Variants in VDAC1 observed in about 807,000 individuals in gnomAD.
VDAC1 encodes the protein voltage dependent anion channel 1, also known as non-selective voltage-gated ion channel VDAC1.
VDAC1 carries 10 observed loss-of-function variants against 34.7 expected under a neutral mutation model. That is an observed-to-expected ratio of 0.29 (90% CI 0.18 to 0.49). VDAC1 has a LOEUF of 0.49. Among genes scored for constraint, VDAC1 ranks in the 20% least tolerant of loss-of-function variants. The pLI is 0.99. For missense variants in VDAC1, 230 were observed against 347.9 expected (o/e 0.66, Z 2.69); for synonymous variants, 130 against 136.0 (o/e 0.96, Z 0.30).
chr5:133,992,981 C>G lies in VDAC1; in HGVS notation c.32G>C (p.Gly11Ala). Residue 11 changes from glycine to alanine, a missense_variant, in exon 2 of 9, where the codon GGC becomes GCC. Coordinates refer to ENST00000265333, the MANE Select transcript of VDAC1 (RefSeq NM_003374.3). ...GGTGAAGACATCCCTGGCAGATTTGCCAAGATCGGCATACGTGGGTGGCAC... is the reference window on the plus strand; with the variant it reads ...GGTGAAGACATCCCTGGCAGATTTGGCAAGATCGGCATACGTGGGTGGCAC... MAVPPTYADL[G>A]KSARDVFTKG... is the part of the protein sequence containing the mutation. The G allele has an allele frequency of 6.2e-7, 1 of 1,613,516 alleles. No individual in the cohort carries two copies. The highest frequency in any genetic ancestry group is 8.5e-7 in the Non-Finnish European group (1 of 1,179,652).
the VDAC1 span, among the ~76,000 whole-genome samples, chr5:134,052,699 G>T: frequency 1.3e-5 from 2 of 152,190 alleles, no homozygotes; most frequent in Non-Finnish European, 2.9e-5. Context: ...CCCCTATTCA[G>T]TCCACTTCCT....
chr5:134,056,420 C>A, the VDAC1 span, among the ~76,000 whole-genome samples: 1 of 147,540 alleles, frequency 6.8e-6, no homozygotes, highest in African/African-American at 2.5e-5. Flanking sequence ...CAATTGCCAA[C>A]AAAGCTGCAC....
chr5:133,998,675 T>C (rs975677607), intron 1 of VDAC1, among the ~76,000 whole-genome samples: 1 of 152,224 alleles, frequency 6.6e-6, no homozygotes, highest in Non-Finnish European at 1.5e-5. Flanking sequence ...AGAACAGATT[T>C]AAACTACACT....
chr5:133,990,233 T>C (rs1283309422), intron 5 of VDAC1, among the ~76,000 whole-genome samples: 1 of 152,206 alleles, frequency 6.6e-6, no homozygotes, highest in Non-Finnish European at 1.5e-5. Context: ...AGGAGCCACC[T>C]TGCAGTTACA....
the VDAC1 span, among the ~76,000 whole-genome samples, chr5:134,096,598 C>T: frequency 1.4e-5 from 1 of 73,888 alleles, no homozygotes; most frequent in South Asian, 4.1e-4. Flanking sequence ...CTTTTCTTTT[C>T]TCTTCTTCTT....
the VDAC1 span, among the ~76,000 whole-genome samples, chr5:134,046,163 C>A: frequency 6.7e-6 from 1 of 150,270 alleles, no homozygotes; most frequent in Admixed American, 6.8e-5. Context: ...GCAGCTGGGA[C>A]TACAGGCACC....
chr5:134,092,978 G>A, the VDAC1 span, among the ~76,000 whole-genome samples: 1 of 152,228 alleles, frequency 6.6e-6, no homozygotes, highest in African/African-American at 2.4e-5. Flanking sequence ...GACACCTGCA[G>A]CAAAGGCCTC....
the VDAC1 span, among the ~76,000 whole-genome samples, chr5:134,039,322 GTTTTTTATT>G: frequency 6.6e-6 from 1 of 152,038 alleles, no homozygotes; most frequent in Non-Finnish European, 1.5e-5. Flanking sequence ...GACATGCGTG[GTTTTTTATT>G]TTTTTTATTT....
At chr5:134,068,516 G>T in the VDAC1 span, among the ~76,000 whole-genome samples, 1 of 151,596 alleles carries the variant, frequency 6.6e-6, no homozygotes, top group Non-Finnish European at 1.5e-5. Context: ...TCAGCCCTTT[G>T]AAGATATTAT....
upstream of VDAC1, among the ~76,000 whole-genome samples, chr5:134,006,345 C>T (rs1018154142): frequency 1.3e-4 from 20 of 152,114 alleles, no homozygotes; most frequent in African/African-American, 4.3e-4. Context: ...CTCCAGGAAC[C>T]CCACAGGGCT....
chr5:134,045,994 T>C, the VDAC1 span, among the ~76,000 whole-genome samples: 1 of 141,732 alleles, frequency 7.1e-6, no homozygotes, highest in African/African-American at 2.9e-5. Flanking sequence ...AATTCTTCTT[T>C]TTTTTTTTTT....
the VDAC1 span, among the ~76,000 whole-genome samples, chr5:134,107,792 A>G: frequency 6.6e-6 from 1 of 152,214 alleles, no homozygotes; most frequent in Admixed American, 6.5e-5. Context: ...GTACTCTACA[A>G]GCAGGAACTC....
the VDAC1 span, among the ~76,000 whole-genome samples, chr5:134,027,825 C>G: frequency 7.1e-6 from 1 of 140,428 alleles, no homozygotes; most frequent in Non-Finnish European, 1.5e-5. Context: ...GGCTGGAGTG[C>G]AGTGGTGTGA....
At chr5:134,014,948 T>C in the VDAC1 span, among the ~76,000 whole-genome samples, 1 of 152,156 alleles carries the variant, frequency 6.6e-6, no homozygotes, top group South Asian at 2.1e-4. Context: ...AGCAGAGACA[T>C]GGAGTCAACC....
the VDAC1 span, among the ~76,000 whole-genome samples, chr5:134,065,695 A>G: frequency 6.6e-6 from 1 of 151,712 alleles, no homozygotes; most frequent in East Asian, 1.9e-4. Context: ...TATAGTCAGT[A>G]TGATAGCTAT....
intron 2 of VDAC1, among the ~76,000 whole-genome samples, 164 bp downstream of exon 2, chr5:133,992,782 C>T (rs1435182192): frequency 1.3e-5 from 2 of 152,272 alleles, no homozygotes; most frequent in Non-Finnish European, 2.9e-5. Context: ...GGGTGCACAA[C>T]CAAAGTTGCT....
the VDAC1 span, among the ~76,000 whole-genome samples, chr5:134,067,708 A>G: frequency 2.7e-5 from 4 of 148,568 alleles, no homozygotes; most frequent in African/African-American, 7.6e-5. Context: ...GAGAGGGAGA[A>G]GGAGAGGGAG....
At chr5:134,078,961 G>T in the VDAC1 span, among the ~76,000 whole-genome samples, 1 of 146,704 alleles carries the variant, frequency 6.8e-6, no homozygotes, top group East Asian at 2.1e-4. Context: ...TATTTTTTTT[G>T]ACCCCCCTCC....
chr5:134,068,780 T>C, the VDAC1 span, among the ~76,000 whole-genome samples: 4 of 152,174 alleles, frequency 2.6e-5, no homozygotes, highest in South Asian at 2.1e-4. Flanking sequence ...ATATTGCTTC[T>C]TCCCCATTCT....
Sources: gnomAD v4.1 joint callset for allele counts (sites outside exome capture counted in the v4.1 genomes callset) on GRCh38, gnomAD v4.1.1 for gene constraint, MANE v1.5 for transcripts, NCBI Gene and HGNC (gene_info 2026-07-23, HGNC 2026-07-21) for gene names.